Variants in PCDHA4 observed in about 807,000 individuals in gnomAD.
PCDHA4 encodes the protein protocadherin alpha-4.
Under a neutral mutation model 61.4 loss-of-function variants are expected in PCDHA4, and 49 were observed. That is an observed-to-expected ratio of 0.80 (90% CI 0.63 to 1.01). The LOEUF is 1.01. Ranked by LOEUF, PCDHA4 falls within the 50% of genes least tolerant of loss-of-function variation. PCDHA4 has a pLI of 0.00. For missense variants in PCDHA4, 1,254 were observed against 1,235.8 expected (o/e 1.01, Z -0.22); for synonymous variants, 590 against 550.3 (o/e 1.07, Z -1.01).
At position 140,967,577 on chromosome 5, in the gene PCDHA4, C is replaced by T. The variant is rs141338011; in HGVS notation, c.2386-11372C>T. Reference sequence around the variant, plus strand: ...TCGCGTCCAGCTACGGGAGGACTCACCCCCAGGCACATTGGTGGTGAAGCT... The same window carrying T: ...TCGCGTCCAGCTACGGGAGGACTCATCCCCAGGCACATTGGTGGTGAAGCT... On this transcript the variant is annotated intron_variant, in intron 1 of 3. Transcript: ENST00000530339. 11 of 1,614,016 alleles carry T rather than the reference C, an allele frequency of 6.8e-6. No homozygotes were observed. Among genetic ancestry groups the T allele is most frequent in the African/African-American group, 4.0e-5 (3 of 74,938 alleles).
At chr5:140,836,080 T>C (rs1470495662) in intron 1 of PCDHA4, 12 of 1,613,584 alleles carry the variant, frequency 7.4e-6, no homozygotes, top group African/African-American at 1.3e-5. Context: ...CCGGCACTGC[T>C]GGCGCCTCGG....
rs143678744 is a variant in PCDHA4 at position 140,873,036 on chromosome 5, G to A, written c.2385+63464G>A. Among the ~76,000 whole-genome samples the A allele has an allele frequency of 5.4e-3, 816 of 152,264 alleles. 4 individuals carry two copies. The highest frequency in any genetic ancestry group is 0.014 in the Middle Eastern group (4 of 294). On this transcript the variant is annotated intron_variant, in intron 1 of 3. Coordinates refer to ENST00000530339, the MANE Select transcript of PCDHA4 (RefSeq NM_018907.4). ...TTTAGTTATTCTTACTACACGTAGA[G>A]TGGTGGTATTACAGACTTTCTTGAG...
intron 1 of PCDHA4, chr5:140,829,411 C>A: frequency 6.2e-7 from 1 of 1,614,148 alleles, no homozygotes; most frequent in Non-Finnish European, 8.5e-7. Flanking sequence ...CCACCGCCAG[C>A]TTGTCTGTGG....
chr5:140,810,753 C>T (rs1211252103), intron 1 of PCDHA4: 7 of 151,876 alleles, frequency 4.6e-5, no homozygotes, highest in African/African-American at 1.5e-4. Context: ...ATCTTGTATT[C>T]TGAACATAAC....
chr5:140,946,631 T>TATATATATATATATATATATATATACAC lies in PCDHA4; in HGVS notation c.2386-32317_2386-32316insTATATATATATATATATATATATACACA, dbSNP rs57893927. 8.3e-4 allele frequency among the ~76,000 whole-genome samples: 109 copies of TATATATATATATATATATATATATACAC among 131,802 alleles called. 1 individual carries two copies. The highest frequency in any genetic ancestry group is 3.6e-3 in the African/African-American group (102 of 28,672). 86.5% of individuals were successfully genotyped at this position (131,802 alleles called of 152,430 possible). A position where few individuals can be genotyped will look rare whatever the true frequency, so the allele number is the denominator to read the frequency against. On this transcript the variant is annotated intron_variant, in intron 1 of 3. Transcript: ENST00000530339. ...TGTGAAATATATATATATATATATA[T>TATATATATATATATATATATATATACAC]ACAATGGAATACTCATCAGCCATTA...
intron 1 of PCDHA4, among the ~76,000 whole-genome samples, chr5:140,837,942 G>T (rs1554136705): frequency 2.0e-5 from 3 of 151,768 alleles, no homozygotes; most frequent in Admixed American, 1.3e-4. Flanking sequence ...GCCTCCCAAA[G>T]TATTGGGATT....
At position 140,875,798 on chromosome 5, in the gene PCDHA4, T is replaced by C. The variant is rs377753022; in HGVS notation, c.2385+66226T>C. On this transcript the variant is annotated intron_variant, in intron 1 of 3. Coordinates refer to ENST00000530339, the MANE Select transcript of PCDHA4 (RefSeq NM_018907.4). ...GAGTGCAGTATCCACCTGGAGGTGATCGTGGACAGGCCGCTGCAGGTTTTC... is the reference window on the plus strand; with the variant it reads ...GAGTGCAGTATCCACCTGGAGGTGACCGTGGACAGGCCGCTGCAGGTTTTC... 1.5e-5 allele frequency: 24 copies of C among 1,614,138 alleles called. No individual in the cohort carries two copies. In the African/African-American group the frequency reaches 3.1e-4, roughly 21 times the overall value.
At chr5:140,915,557 T>G (rs909593732) in intron 1 of PCDHA4, among the ~76,000 whole-genome samples, 1 of 152,102 alleles carries the variant, frequency 6.6e-6, no homozygotes, top group African/African-American at 2.4e-5. Flanking sequence ...AGATCCAGAA[T>G]GATTATCTGG....
At chr5:140,990,740 G>A (rs76434886) in intron 3 of PCDHA4, among the ~76,000 whole-genome samples, 1 of 152,170 alleles carries the variant, frequency 6.6e-6, no homozygotes, top group African/African-American at 2.4e-5. Flanking sequence ...AACAGCCCTA[G>A]GGTGGATACC....
At chr5:140,836,173 T>C in intron 1 of PCDHA4, 2 of 1,613,820 alleles carry the variant, frequency 1.2e-6, no homozygotes, top group Non-Finnish European at 1.7e-6. Flanking sequence ...GTACGTGCAG[T>C]TGACGCTGAC....
intron 1 of PCDHA4, chr5:140,836,314 G>A (rs2150257460): frequency 6.2e-6 from 10 of 1,613,658 alleles, no homozygotes; most frequent in East Asian, 2.2e-5. Context: ...GACGCACCGC[G>A]CCACCGCCTT....
At position 140,877,488 on chromosome 5, in the gene PCDHA4, C is replaced by G. The variant is rs781785108; in HGVS notation, c.2385+67916C>G. ...CGGTGCTGGTGTCGCTGGTGGAGAA[C>G]GGCCAGGCCCCAAAGACGTCGTCGC... On this transcript the variant is annotated intron_variant, in intron 1 of 3. Transcript: ENST00000530339. 6.2e-6 allele frequency: 10 copies of G among 1,613,856 alleles called. No homozygotes were observed. In the South Asian group the frequency reaches 1.1e-4, roughly 18 times the overall value.
At chr5:140,952,794 G>T (rs2094798904) in intron 1 of PCDHA4, among the ~76,000 whole-genome samples, 1 of 152,140 alleles carries the variant, frequency 6.6e-6, no homozygotes, top group Admixed American at 6.5e-5. Context: ...GGTTTAACTG[G>T]CTCGCAGTTC....
chr5:140,850,958 A>C (rs2150503998), intron 1 of PCDHA4: 1 of 1,481,832 alleles, frequency 6.7e-7, no homozygotes, highest in Admixed American at 2.4e-5. Context: ...GATTACTCCC[A>C]GGGGCCGTTC....
chr5:140,931,759 T>C (rs2087738384), intron 1 of PCDHA4, among the ~76,000 whole-genome samples: 2 of 151,994 alleles, frequency 1.3e-5, no homozygotes, highest in African/African-American at 4.8e-5. Flanking sequence ...GCATTTGTTA[T>C]TTACTTCTTC....
chr5:140,822,696 G>A (rs2150118685), intron 1 of PCDHA4: 1 of 1,610,120 alleles, frequency 6.2e-7, no homozygotes, highest in Non-Finnish European at 8.5e-7. Flanking sequence ...ACGGGGAACT[G>A]GATTATGAAG....
intron 1 of PCDHA4, among the ~76,000 whole-genome samples, chr5:140,898,043 T>A (rs1554187781): frequency 6.6e-6 from 1 of 152,148 alleles, no homozygotes; most frequent in African/African-American, 2.4e-5. Context: ...GTTGTTTGTT[T>A]TTTTCTTGTA....
rs2150467797 is a variant in PCDHA4 at position 140,850,109 on chromosome 5, C to G, written c.2385+40537C>G. ...TGCTACAGTTCCAGGTGAGCGCGCG[C>G]GACGCGGGCGTGCCGCCTCTGGGCA... On this transcript the variant is annotated intron_variant, in intron 1 of 3. Coordinates refer to ENST00000530339, the MANE Select transcript of PCDHA4 (RefSeq NM_018907.4). 1.1e-4 allele frequency: 170 copies of G among 1,596,054 alleles called. 9 individuals are homozygous for G. Among genetic ancestry groups the G allele is most frequent in the Non-Finnish European group, 2.6e-5 (30 of 1,167,820 alleles).
intron 1 of PCDHA4, chr5:140,966,696 G>A (rs2096039255): frequency 7.4e-7 from 1 of 1,358,662 alleles, no homozygotes. Flanking sequence ...GGCGGGGCCC[G>A]GGCGTGGGGC....
Sources: gnomAD v4.1 joint callset for allele counts (sites outside exome capture counted in the v4.1 genomes callset) on GRCh38, gnomAD v4.1.1 for gene constraint, MANE v1.5 for transcripts, NCBI Gene and HGNC (gene_info 2026-07-23, HGNC 2026-07-21) for gene names.